Variants in THRB observed in about 807,000 individuals in gnomAD.
THRB encodes the protein nuclear receptor subfamily 1 group A member 2.
Under a neutral mutation model 47.8 loss-of-function variants are expected in THRB, and 12 were observed. The observed-to-expected ratio is 0.25, with a 90% CI of 0.16 to 0.41. The LOEUF is 0.41. Among genes scored for constraint, THRB ranks in the 10% least tolerant of loss-of-function variants. The pLI, the probability that THRB is intolerant of heterozygous loss-of-function variation, is 1.00. For synonymous variants in THRB, 218 were observed against 212.2 expected (o/e 1.03, Z -0.24); for missense variants, 348 against 589.2 (o/e 0.59, Z 4.24).
At chr3:24,389,696 T>G (rs1350023634) in intron 1 of THRB, among the ~76,000 whole-genome samples, 2 of 152,132 alleles carry the variant, frequency 1.3e-5, no homozygotes. Flanking sequence ...CCCCCCTTTT[T>G]TTTTGTCTGC....
chr3:24,418,272 TA>T (rs1201419133), intron 1 of THRB, among the ~76,000 whole-genome samples: 3 of 151,548 alleles, frequency 2.0e-5, no homozygotes, highest in Non-Finnish European at 1.5e-5. Flanking sequence ...TGTATTTCTG[TA>T]ACCTTGCCTA....
intron 8 of THRB, among the ~76,000 whole-genome samples, chr3:24,140,921 A>G (rs1431156610): frequency 6.6e-6 from 1 of 152,234 alleles, no homozygotes; most frequent in Non-Finnish European, 1.5e-5. Context: ...TCCTGTGAAG[A>G]GATGCAGGGG....
At chr3:24,419,220 AC>A (rs2069013590) in intron 1 of THRB, among the ~76,000 whole-genome samples, 1 of 151,858 alleles carries the variant, frequency 6.6e-6, no homozygotes, top group African/African-American at 2.4e-5. Context: ...CTCACTGAGT[AC>A]CCTGTACTAT....
intron 1 of THRB, among the ~76,000 whole-genome samples, chr3:24,470,083 T>A (rs1011993305): frequency 1.3e-5 from 2 of 152,198 alleles, no homozygotes; most frequent in African/African-American, 4.8e-5. Context: ...CCTTGCTGGA[T>A]CCCATCACTG....
intron 1 of THRB, among the ~76,000 whole-genome samples, chr3:24,471,485 G>C (rs1272516861): frequency 2.0e-5 from 3 of 152,154 alleles, no homozygotes; most frequent in Non-Finnish European, 4.4e-5. Flanking sequence ...CAATGTTGTG[G>C]TTTTAAATCC....
At chr3:24,132,303 C>G (rs367976558) in intron 9 of THRB, among the ~76,000 whole-genome samples, 1 of 151,938 alleles carries the variant, frequency 6.6e-6, no homozygotes, top group Non-Finnish European at 1.5e-5. Flanking sequence ...AAGAATCTTA[C>G]GAAATTTTTT....
intron 4 of THRB, among the ~76,000 whole-genome samples, chr3:24,204,461 A>G (rs1443182054): frequency 6.6e-6 from 1 of 152,196 alleles, no homozygotes; most frequent in African/African-American, 2.4e-5. Context: ...TAGAAGGAAA[A>G]CTAACAAACA....
intron 1 of THRB, among the ~76,000 whole-genome samples, chr3:24,354,567 C>T (rs1273230848): frequency 3.9e-5 from 6 of 151,974 alleles, no homozygotes; most frequent in Non-Finnish European, 8.8e-5. Context: ...ACATTGGCTA[C>T]TGAATTTGGA....
intron 5 of THRB, among the ~76,000 whole-genome samples, chr3:24,188,908 A>G (rs1397934265): frequency 1.7e-5 from 2 of 116,998 alleles, no homozygotes; most frequent in African/African-American, 8.0e-5. Context: ...TCCAAATACA[A>G]ACCTTTCCAA....
chr3:24,198,231 A>T (rs576234957), intron 4 of THRB, among the ~76,000 whole-genome samples: 3 of 152,338 alleles, frequency 2.0e-5, no homozygotes, highest in Non-Finnish European at 4.4e-5. Flanking sequence ...GGGAGGAGAG[A>T]CATCTCCAAA....
chr3:24,205,913 C>T (rs2045287185), intron 4 of THRB, among the ~76,000 whole-genome samples: 1 of 152,182 alleles, frequency 6.6e-6, no homozygotes, highest in African/African-American at 2.4e-5. Flanking sequence ...AAGGCCATTA[C>T]ATAATGGTAA....
chr3:24,139,385 C>CTTTTTTTTTT (rs35616801), intron 8 of THRB, among the ~76,000 whole-genome samples: 1 of 142,602 alleles, frequency 7.0e-6, no homozygotes, highest in East Asian at 2.0e-4. Flanking sequence ...TTTTTCTTTT[C>CTTTTTTTTTT]TTTCTTTTTT....
Position 24,388,494 on chromosome 3 carries a change from G to T in THRB, c.-260-51123C>A, listed in dbSNP as rs2066309505. On this transcript the variant is annotated intron_variant, in intron 1 of 10. Coordinates refer to ENST00000646209, the MANE Select transcript of THRB (RefSeq NM_001354712.2). ...AGCACACATCATAACCCAAAGGTTG[G>T]TCCCTAGAACTGTTTTGTGTGGAAT... Among the ~76,000 whole-genome samples the T allele has an allele frequency of 2.0e-5, 3 of 152,174 alleles. No individual in the cohort carries two copies. The South Asian group carries it at 6.2e-4, about 31-fold the overall frequency.
In THRB at chr3:24,206,092, C is replaced by T. The variant is rs544855939; in HGVS notation, c.23-15758G>A. ...CCACCGTCAACATTAGACAGATCAA[C>T]GAGACAGAAAGTTAACAAGGATATC... On this transcript the variant is annotated intron_variant, in intron 4 of 10. Coordinates refer to ENST00000646209, the MANE Select transcript of THRB (RefSeq NM_001354712.2). Among the ~76,000 whole-genome samples the T allele has an allele frequency of 1.8e-3, 270 of 152,224 alleles. 1 individual carries two copies. The highest frequency in any genetic ancestry group is 3.4e-3 in the Middle Eastern group (1 of 294).
rs2051077835 is a variant in THRB, at chr3:24,254,786, T to A, written c.-42-25785A>T. Among the ~76,000 whole-genome samples the A allele has an allele frequency of 2.0e-5, 3 of 152,212 alleles. No individual in the cohort carries two copies. In the South Asian group the frequency reaches 6.2e-4, roughly 32 times the overall value. On this transcript the variant is annotated intron_variant, in intron 3 of 10. Coordinates refer to ENST00000646209, the MANE Select transcript of THRB (RefSeq NM_001354712.2). ...CCAAACAAAGGCCTTGTGCCAAACATAACCAGCACGTACACCATTTTTATT... is the reference window on the plus strand; with the variant it reads ...CCAAACAAAGGCCTTGTGCCAAACAAAACCAGCACGTACACCATTTTTATT...
intron 2 of THRB, among the ~76,000 whole-genome samples, chr3:24,334,482 G>T (rs568856233): frequency 9.8e-5 from 15 of 152,338 alleles, no homozygotes; most frequent in African/African-American, 3.4e-4. Context: ...CAGTGAAGTA[G>T]AGATTACTGA....
At chr3:24,491,906 A>T (rs1375424033) in intron 1 of THRB, among the ~76,000 whole-genome samples, 5 of 152,260 alleles carry the variant, frequency 3.3e-5, no homozygotes, top group Non-Finnish European at 7.3e-5. Context: ...CCATGTATTC[A>T]AGGCAAATGC....
intron 2 of THRB, among the ~76,000 whole-genome samples, chr3:24,301,793 T>C (rs1449616729): frequency 6.6e-6 from 1 of 152,208 alleles, no homozygotes; most frequent in Non-Finnish European, 1.5e-5. Flanking sequence ...GATTTTGAGA[T>C]GGGGATATTA....
intron 2 of THRB, among the ~76,000 whole-genome samples, chr3:24,303,208 G>A (rs1331260103): frequency 6.6e-6 from 1 of 152,122 alleles, no homozygotes; most frequent in Non-Finnish European, 1.5e-5. Context: ...CAAATACAGA[G>A]ACTCCTCCCT....
Sources: gnomAD v4.1 joint callset for allele counts (sites outside exome capture counted in the v4.1 genomes callset) on GRCh38, gnomAD v4.1.1 for gene constraint, MANE v1.5 for transcripts, NCBI Gene and HGNC (gene_info 2026-07-23, HGNC 2026-07-21) for gene names.